The following CLMN variants were observed in gnomAD, a reference collection of about 807,000 sequenced individuals.
CLMN encodes the protein calmin.
CLMN carries 57 observed loss-of-function variants against 92.7 expected under a neutral mutation model. The observed-to-expected ratio is 0.61, with a 90% CI of 0.50 to 0.77. The LOEUF (loss-of-function observed/expected upper bound fraction) is 0.77, where lower values mean the gene tolerates loss of function less well. Among genes scored for constraint, CLMN ranks in the 30% least tolerant of loss-of-function variants. The pLI, the probability that CLMN is intolerant of heterozygous loss-of-function variation, is 0.00. For missense variants in CLMN, 1,158 were observed against 1,237.5 expected (o/e 0.94, Z 0.96); for synonymous variants, 466 against 470.6 (o/e 0.99, Z 0.13).
rs767713668 is a variant in CLMN, at chr14:95,223,818, T to G, written c.182A>C (p.Asp61Ala). ...CATTAGGATTTTGCCATCTTGTATA[T>G]CGACGAATAAATCTTTAACTTCTAG... is the stretch of plus-strand genomic sequence containing the variant. ...PPLEVKDLFVDIQDGKILMAL... is the reference protein window; with the variant it reads ...PPLEVKDLFVAIQDGKILMAL... Residue 61 changes from aspartate (D) to alanine (A), a missense_variant, in exon 3 of 13, where the codon GAT (aspartate) becomes GCT (alanine). Physicochemically the swap from Asp to Ala is moderately radical, Grantham distance 126. Coordinates refer to ENST00000298912, the MANE Select transcript of CLMN (RefSeq NM_024734.4). 4.3e-5 allele frequency: 70 copies of G among 1,613,686 alleles called. No individual in the cohort carries two copies. Among genetic ancestry groups the G allele is most frequent in the Non-Finnish European group, 5.8e-5 (68 of 1,179,966 alleles).
intron 1 of CLMN, among the ~76,000 whole-genome samples, chr14:95,261,663 C>CCTCT (rs1216357949): frequency 6.6e-6 from 1 of 152,206 alleles, no homozygotes; most frequent in Non-Finnish European, 1.5e-5. Flanking sequence ...AGGACCTGTG[C>CCTCT]CTCTGCATTG....
chr14:95,258,760 ATGTATCTGTGG>A (rs1203142451), intron 1 of CLMN, among the ~76,000 whole-genome samples: 42 of 119,056 alleles, frequency 3.5e-4, no homozygotes, highest in African/African-American at 1.2e-3. Flanking sequence ...TGGTATGTGT[ATGTATCTGTGG>A]TGTGTGTGTG....
chr14:95,309,016 G>A (rs756843848), intron 1 of CLMN, among the ~76,000 whole-genome samples: 12 of 152,154 alleles, frequency 7.9e-5, no homozygotes, highest in South Asian at 2.1e-4. Context: ...ACAATGGAAC[G>A]GGGGCCATGA....
At chr14:95,220,851 G>A (rs894670107) in intron 4 of CLMN, among the ~76,000 whole-genome samples, 2 of 152,230 alleles carry the variant, frequency 1.3e-5, no homozygotes, top group South Asian at 2.1e-4. Flanking sequence ...AGAGGTTGCA[G>A]GGGCAGGGCG....
chr14:95,294,788 G>A lies in CLMN; in HGVS notation c.82+24923C>T, dbSNP rs1900738430. 6.6e-6 allele frequency among the ~76,000 whole-genome samples: 1 copy of A among 152,172 alleles called. No homozygotes were observed. The highest frequency in any genetic ancestry group is 2.4e-5 in the African/African-American group (1 of 41,434). ...TACTCACTGGGTTTGGCCAATGGGA[G>A]GCGCTGGCAGGACAACGTGGGGTGG... On this transcript the variant is annotated intron_variant, in intron 1 of 12. Transcript: ENST00000298912. The surrounding 1 kb of genome is among the most constrained non-coding windows in gnomAD (Gnocchi z 4.2).
chr14:95,215,570 CCA>C (rs1432812764), intron 5 of CLMN, 69 bp downstream of exon 5: 1 of 1,316,678 alleles, frequency 7.6e-7, no homozygotes, highest in Non-Finnish European at 1.1e-6. Context: ...TAATCTGGCC[CCA>C]CTCTCTTCTG....
chr14:95,217,536 G>A lies in CLMN; in HGVS notation c.325-1803C>T, dbSNP rs11160234. 6.6e-5 allele frequency among the ~76,000 whole-genome samples: 10 copies of A among 152,248 alleles called. 1 individual carries two copies. The East Asian group carries it at 1.4e-3, about 21-fold the overall frequency. ...AATACTGTGAATAACACAGTTGATC[G>A]GATTCAGGTTCAGTACTATCTCCGC... is the stretch of plus-strand genomic sequence containing the variant. On this transcript the variant is annotated intron_variant, in intron 4 of 12. Transcript: ENST00000298912.
chr14:95,209,285 T>G, intron 8 of CLMN, 110 bp downstream of exon 8: 1 of 946,430 alleles, frequency 1.1e-6, no homozygotes, highest in Non-Finnish European at 1.7e-6. Context: ...CAACTGGCGA[T>G]TTTGACTGCT....
At chr14:95,226,424 G>A (rs1394884434) in intron 2 of CLMN, among the ~76,000 whole-genome samples, 1 of 151,876 alleles carries the variant, frequency 6.6e-6, no homozygotes, top group Admixed American at 6.6e-5. Flanking sequence ...CCACAGATGT[G>A]GAACCCACAG....
chr14:95,283,040 T>C (rs1368967633), intron 1 of CLMN, among the ~76,000 whole-genome samples: 1 of 152,240 alleles, frequency 6.6e-6, no homozygotes, highest in Non-Finnish European at 1.5e-5. Context: ...CATGGCATGA[T>C]GCTGTGGTGA....
chr14:95,273,356 C>T (rs1899789146), intron 1 of CLMN, among the ~76,000 whole-genome samples: 1 of 152,194 alleles, frequency 6.6e-6, no homozygotes, highest in Admixed American at 6.5e-5. Context: ...CCAGAGGCCA[C>T]ACGTCAAGAA....
chr14:95,293,026 T>C (rs1415533340), intron 1 of CLMN, among the ~76,000 whole-genome samples: 1 of 152,148 alleles, frequency 6.6e-6, no homozygotes, highest in African/African-American at 2.4e-5. Context: ...CCACTAGGAA[T>C]GTATTTGGGA....
At chr14:95,319,618 CG>C in intron 1 of CLMN, 92 bp downstream of exon 1, 3 of 1,015,354 alleles carry the variant, frequency 3.0e-6, no homozygotes, top group Non-Finnish European at 4.2e-6. Context: ...GGCCGGCGAG[CG>C]GGGGCGGCGC....
At chr14:95,282,097 A>C (rs1474779992) in intron 1 of CLMN, among the ~76,000 whole-genome samples, 2 of 152,238 alleles carry the variant, frequency 1.3e-5, no homozygotes, top group African/African-American at 2.4e-5. Context: ...TTGGGTTCTG[A>C]AGGATGAGTA....
chr14:95,246,069 C>A (rs1438123248), intron 1 of CLMN, among the ~76,000 whole-genome samples: 2 of 152,168 alleles, frequency 1.3e-5, no homozygotes, highest in Admixed American at 6.5e-5. Flanking sequence ...TGGGACTCTG[C>A]TAATACTAAA....
intron 1 of CLMN, among the ~76,000 whole-genome samples, chr14:95,245,519 G>A (rs1459649322): frequency 6.7e-6 from 1 of 149,334 alleles, no homozygotes; most frequent in Non-Finnish European, 1.5e-5. Context: ...TGGGTAGATG[G>A]ATGGATGGAT....
chr14:95,291,072 C>A (rs77414609), intron 1 of CLMN, among the ~76,000 whole-genome samples: 8,556 of 152,348 alleles, frequency 0.056, 268 homozygotes, highest in Middle Eastern at 0.088. Flanking sequence ...CTGTCAAATT[C>A]TTAATTTCTT....
At chr14:95,212,311 G>A (rs1897221651) in intron 6 of CLMN, among the ~76,000 whole-genome samples, 1 of 152,190 alleles carries the variant, frequency 6.6e-6, no homozygotes, top group Non-Finnish European at 1.5e-5. Flanking sequence ...GATTCACCAG[G>A]ATCTCAACCA....
At chr14:95,309,991 G>A (rs143004860) in intron 1 of CLMN, among the ~76,000 whole-genome samples, 131 of 152,334 alleles carry the variant, frequency 8.6e-4, no homozygotes, top group African/African-American at 3.0e-3. Context: ...TCCTTCTCGA[G>A]ATTCCAGAAT....
Sources: allele counts gnomAD v4.1 joint callset (sites outside exome capture counted in the v4.1 genomes callset), GRCh38; gene constraint gnomAD v4.1.1; non-coding constraint Gnocchi (gnomAD v3.1); transcripts MANE v1.5; gene names NCBI Gene and HGNC (gene_info 2026-07-23, HGNC 2026-07-21).